Variants in EXT1 observed in about 807,000 individuals in gnomAD.
EXT1 encodes the protein exostosin-1.
A neutral mutation model predicts 82.5 loss-of-function variants in EXT1; 20 were observed. That is an observed-to-expected ratio of 0.24 (90% confidence interval 0.17 to 0.35). The LOEUF (loss-of-function observed/expected upper bound fraction) is 0.35. Among genes scored for constraint, EXT1 ranks in the 10% least tolerant of loss-of-function variants. EXT1 has a pLI of 1.00. For missense variants in EXT1, 757 were observed against 936.5 expected, an observed-to-expected ratio of 0.81 and a Z score of 2.50; for synonymous variants, 348 against 350.8, an observed-to-expected ratio of 0.99 and a Z score of 0.09.
intron 8 of EXT1, among the ~76,000 whole-genome samples, chr8:117,811,353 T>C (rs1474780111): frequency 6.6e-6 from 1 of 152,174 alleles, no homozygotes; most frequent in Non-Finnish European, 1.5e-5. Flanking sequence ...TCTTTCCCTA[T>C]GAATGTTAAG....
intron 1 of EXT1, among the ~76,000 whole-genome samples, chr8:117,864,758 A>T (rs898616781): frequency 1.3e-5 from 2 of 151,144 alleles, no homozygotes; most frequent in Non-Finnish European, 2.9e-5. Flanking sequence ...CAAAAAAAAA[A>T]AAAAAATCGC....
In EXT1 at chr8:117,838,823, A is replaced by AT. The variant is rs201945261; in HGVS notation, c.963-1623dup. 2.9e-3 allele frequency among the ~76,000 whole-genome samples: 434 copies of AT among 151,694 alleles called. 1 individual carries two copies. Among genetic ancestry groups the AT allele is most frequent in the African/African-American group, 9.6e-3 (396 of 41,398 alleles). ...AAATATATGCATAAAGTTTAAGCTG[A>AT]TTTTTTTTTAATACAGAAAGGTCGA... On this transcript the variant is annotated intron_variant, in intron 1 of 10. Transcript: ENST00000378204.
intron 1 of EXT1, among the ~76,000 whole-genome samples, chr8:118,018,952 CT>C (rs1052547817): frequency 5.3e-5 from 8 of 151,946 alleles, no homozygotes; most frequent in African/African-American, 1.9e-4. Context: ...TAAAAATGGC[CT>C]TCATTACTCC....
At chr8:118,074,173 G>C (rs58461375) in intron 1 of EXT1, among the ~76,000 whole-genome samples, 7,552 of 152,110 alleles carry the variant, frequency 0.05, 632 homozygotes, top group African/African-American at 0.17. Flanking sequence ...AGGGAAGAAG[G>C]ATGGGAGATG....
intron 1 of EXT1, among the ~76,000 whole-genome samples, chr8:117,961,993 T>A (rs1033269965): frequency 5.9e-5 from 9 of 152,176 alleles, no homozygotes; most frequent in Non-Finnish European, 1.2e-4. Context: ...TGGTACCTCA[T>A]GTATTAATTA....
At chr8:117,903,805 A>C (rs1813494545) in intron 1 of EXT1, among the ~76,000 whole-genome samples, 1 of 152,216 alleles carries the variant, frequency 6.6e-6, no homozygotes, top group African/African-American at 2.4e-5. Context: ...GTTTGAAAAA[A>C]CATGAGAAAT....
intron 1 of EXT1, among the ~76,000 whole-genome samples, chr8:117,849,468 C>G (rs888433782): frequency 6.6e-5 from 10 of 152,178 alleles, no homozygotes; most frequent in African/African-American, 2.4e-4. Flanking sequence ...GTTTATAAAG[C>G]CTAGGTCATA....
At chr8:117,988,709 G>A (rs1431683486) in intron 1 of EXT1, among the ~76,000 whole-genome samples, 1 of 152,110 alleles carries the variant, frequency 6.6e-6, no homozygotes, top group African/African-American at 2.4e-5. Flanking sequence ...CTGCCCCCAG[G>A]GAAGTCTACT....
intron 1 of EXT1, among the ~76,000 whole-genome samples, chr8:118,076,558 CTG>C (rs1307304515): frequency 6.6e-6 from 1 of 152,228 alleles, no homozygotes; most frequent in Non-Finnish European, 1.5e-5. Flanking sequence ...AGGCCAATGG[CTG>C]TGTTATTCAC....
At chr8:117,992,746 C>T (rs937621511) in intron 1 of EXT1, among the ~76,000 whole-genome samples, 1 of 152,182 alleles carries the variant, frequency 6.6e-6, no homozygotes, top group African/African-American at 2.4e-5. Context: ...GTGGAGATGG[C>T]TCTCATTCCC....
chr8:118,037,836 G>GTTT (rs58862041), intron 1 of EXT1, among the ~76,000 whole-genome samples: 1,327 of 107,268 alleles, frequency 0.012, 86 homozygotes, highest in African/African-American at 0.049. Context: ...AGTGTTTTTT[G>GTTT]TTTTTTTTTT....
In EXT1 at chr8:118,089,885, G is replaced by A. The variant is rs28357321; in HGVS notation, c.962+20200C>T. 5.3e-4 allele frequency among the ~76,000 whole-genome samples: 81 copies of A among 152,296 alleles called. 3 individuals are homozygous for A. In the East Asian group the frequency reaches 8.7e-3, roughly 16 times the overall value. On this transcript the variant is annotated intron_variant, in intron 1 of 10. Transcript: ENST00000378204. ...GTGTGTGCAAGCACAAGCCTTCAGAGGAAAGAGGGAGGGTTACTGAAAAAA... is the reference window on the plus strand; with the variant it reads ...GTGTGTGCAAGCACAAGCCTTCAGAAGAAAGAGGGAGGGTTACTGAAAAAA...
In EXT1 at chr8:117,799,611, G is replaced by T; in HGVS notation, c.*101C>A. 3 of 1,345,956 alleles carry T rather than the reference G, an allele frequency of 2.2e-6. No individual in the cohort carries two copies. The highest frequency in any genetic ancestry group is 3.2e-6 in the Non-Finnish European group (3 of 945,722). 83.4% of individuals were successfully genotyped at this position (1,345,956 alleles called of 1,614,324 possible). ...TGCTCATCTAAGTTTTTGGATAGTT[G>T]GCACAATCTGGCTCTGCTGATGAGT... On this transcript the variant is annotated 3_prime_UTR_variant, in exon 11 of 11. Transcript: ENST00000378204.
chr8:118,017,478 TTATCTCCCCTCACCACTG>T (rs1453247211), intron 1 of EXT1, among the ~76,000 whole-genome samples: 1 of 152,140 alleles, frequency 6.6e-6, no homozygotes, highest in Non-Finnish European at 1.5e-5. Context: ...ATTCAGGGAC[TTATCTCCCCTCACCACTG>T]TATCTCCCCT....
At chr8:117,912,189 T>A (rs1813660530) in intron 1 of EXT1, among the ~76,000 whole-genome samples, 1 of 152,166 alleles carries the variant, frequency 6.6e-6, no homozygotes, top group African/African-American at 2.4e-5. Flanking sequence ...TTAACATCCT[T>A]TCCTTGCAAA....
intron 7 of EXT1, among the ~76,000 whole-genome samples, chr8:117,813,207 GT>G (rs756102814): frequency 3.9e-5 from 6 of 152,282 alleles, no homozygotes; most frequent in Non-Finnish European, 4.4e-5. Flanking sequence ...AATCAGACAT[GT>G]TCCCTGTCTT....
chr8:118,014,785 A>G (rs1815971375), intron 1 of EXT1, among the ~76,000 whole-genome samples: 1 of 152,124 alleles, frequency 6.6e-6, no homozygotes, highest in Admixed American at 6.5e-5. Flanking sequence ...AAACCCGTTC[A>G]AGTTTGGGTA....
intron 1 of EXT1, among the ~76,000 whole-genome samples, chr8:118,029,278 T>C (rs1563633957): frequency 6.6e-6 from 1 of 151,930 alleles, no homozygotes; most frequent in African/African-American, 2.4e-5. Flanking sequence ...AAAATAAAAA[T>C]AGCCAGACAT....
rs534529436 is a variant in EXT1, at chr8:117,846,499, C to T, written c.963-9298G>A. Reference sequence around the variant, plus strand: ...ACACATGGGCCTAAATTCTCTGGTTCAAAACAAAACGTTTTTGAAAATGCT... The same window carrying T: ...ACACATGGGCCTAAATTCTCTGGTTTAAAACAAAACGTTTTTGAAAATGCT... On this transcript the variant is annotated intron_variant, in intron 1 of 10. Coordinates refer to ENST00000378204, the MANE Select transcript of EXT1 (RefSeq NM_000127.3). Among the ~76,000 whole-genome samples the T allele has an allele frequency of 3.7e-4, 57 of 152,072 alleles. 1 individual carries two copies. Among genetic ancestry groups the T allele is most frequent in the Admixed American group, 2.4e-3 (36 of 15,280 alleles).
Sources: gnomAD v4.1 joint callset for allele counts (sites outside exome capture counted in the v4.1 genomes callset) on GRCh38, gnomAD v4.1.1 for gene constraint, MANE v1.5 for transcripts, NCBI Gene and HGNC (gene_info 2026-07-23, HGNC 2026-07-21) for gene names.